The following KCNK2 variants were observed in gnomAD, a reference collection of about 807,000 sequenced individuals.
KCNK2 encodes the protein potassium channel subfamily K member 2.
Under a neutral mutation model 40.5 loss-of-function variants are expected in KCNK2, and 21 were observed. The observed-to-expected ratio is 0.52, with a 90% CI of 0.37 to 0.75. The LOEUF (loss-of-function observed/expected upper bound fraction) is 0.75, where lower values mean the gene tolerates loss of function less well. Among genes scored for constraint, KCNK2 ranks in the 30% least tolerant of loss-of-function variants. The pLI, the probability that KCNK2 is intolerant of heterozygous loss-of-function variation, is 0.00. For missense variants in KCNK2, 399 were observed against 531.6 expected, an observed-to-expected ratio of 0.75 and a Z score of 2.45; for synonymous variants, 191 against 202.2, an observed-to-expected ratio of 0.94 and a Z score of 0.47.
At chr1:215,093,794 TATA>T (rs1177764060) in intron 2 of KCNK2, among the ~76,000 whole-genome samples, 218 of 9,276 alleles carry the variant, frequency 0.024, 1 homozygote, top group Middle Eastern at 0.036. Context: ...TTATATATTA[TATA>T]ATATAAAATA....
At chr1:215,203,494 A>T (rs1487071292) in intron 6 of KCNK2, among the ~76,000 whole-genome samples, 1 of 152,038 alleles carries the variant, frequency 6.6e-6, no homozygotes, top group East Asian at 1.9e-4. Context: ...ATTAATATCA[A>T]ATTATCTCAA....
At chr1:215,133,446 C>T (rs1661760739) in intron 3 of KCNK2, among the ~76,000 whole-genome samples, 2 of 152,036 alleles carry the variant, frequency 1.3e-5, no homozygotes, top group Admixed American at 6.6e-5. Flanking sequence ...ATCTGACTGA[C>T]CACCAGACAT....
At chr1:215,216,012 G>A (rs1019991415) in intron 6 of KCNK2, among the ~76,000 whole-genome samples, 2 of 152,178 alleles carry the variant, frequency 1.3e-5, no homozygotes. Context: ...TTGTAAGACA[G>A]GGCATGTCCT....
intron 5 of KCNK2, among the ~76,000 whole-genome samples, chr1:215,188,430 A>G (rs955741791): frequency 6.6e-6 from 1 of 152,130 alleles, no homozygotes; most frequent in African/African-American, 2.4e-5. Context: ...TTGGAATTAC[A>G]TTTTCAAAGT....
rs567876849 is a variant in KCNK2 at position 215,052,917 on chromosome 1, A to G, written c.35-33451A>G. On this transcript the variant is annotated intron_variant, in intron 1 of 6. Coordinates refer to the KCNK2 transcript ENST00000391895. ...TCTCTTGAGTTTTTGCCAGAGTACC[A>G]GATTCCTCTTTTTTTCTTTTCTATA... Among the ~76,000 whole-genome samples the G allele has an allele frequency of 1.6e-4, 24 of 152,286 alleles. No homozygotes were observed. The South Asian group carries it at 4.8e-3, about 30-fold the overall frequency.
chr1:215,006,997 C>CTATATATATATATATA (rs199497700), intron 1 of KCNK2, among the ~76,000 whole-genome samples: 7 of 81,690 alleles, frequency 8.6e-5, no homozygotes, highest in African/African-American at 2.6e-4. Flanking sequence ...GACCAATTCA[C>CTATATATATATATATA]TATATATATA....
intron 2 of KCNK2, among the ~76,000 whole-genome samples, chr1:215,093,965 A>G (rs1571903254): frequency 7.7e-6 from 1 of 129,758 alleles, no homozygotes; most frequent in Non-Finnish European, 1.6e-5. Flanking sequence ...TAAAATATAT[A>G]ATATATATAT....
upstream of KCNK2, among the ~76,000 whole-genome samples, chr1:215,077,863 TA>T (rs1376058548): frequency 6.6e-6 from 1 of 152,152 alleles, no homozygotes; most frequent in Non-Finnish European, 1.5e-5. Flanking sequence ...CCTCTAGAAG[TA>T]AATACTCCCA....
intron 2 of KCNK2, among the ~76,000 whole-genome samples, chr1:215,119,852 G>C (rs967334196): frequency 1.3e-5 from 2 of 152,154 alleles, no homozygotes; most frequent in Admixed American, 6.6e-5. Context: ...CCCAGAAACA[G>C]TTCTCATGAA....
At position 215,193,284 on chromosome 1, in the gene KCNK2, ATGCTC is replaced by A. The variant is rs757798835; in HGVS notation, c.824-1666_824-1662del. 2.8e-4 allele frequency among the ~76,000 whole-genome samples: 42 copies of A among 152,248 alleles called. No homozygotes were observed. The East Asian group carries it at 3.9e-3, about 14-fold the overall frequency. On this transcript the variant is annotated intron_variant, in intron 5 of 6. Transcript: ENST00000444842. ...GAATTTTTGTGAATTGGGCAAATCC[ATGCTC>A]TGTTTAAGCACCTCCAGTCTCTATG...
At chr1:215,230,502 C>A (rs775390306) in intron 6 of KCNK2, among the ~76,000 whole-genome samples, 5 of 82,850 alleles carry the variant, frequency 6.0e-5, no homozygotes, top group Non-Finnish European at 8.5e-5. Flanking sequence ...CACACACACA[C>A]GGCTGTATAT....
At chr1:215,097,577 T>A (rs186831982) in intron 2 of KCNK2, among the ~76,000 whole-genome samples, 1 of 152,146 alleles carries the variant, frequency 6.6e-6, no homozygotes, top group Non-Finnish European at 1.5e-5. Flanking sequence ...TTCCTTATGG[T>A]TTCATGCAGT....
chr1:215,086,406 C>G lies in KCNK2; in HGVS notation c.85C>G (p.Gln29Glu). Residue 29 changes from glutamine (Q) to glutamate (E), a missense_variant, in exon 2 of 7, where the codon CAG (glutamine) becomes GAG (glutamate). By Grantham distance (29) the Gln-to-Glu change is conservative. Transcript: ENST00000444842. ...PDLLDPKSAAQNSKPRLSFST... is the reference protein window; with the variant it reads ...PDLLDPKSAAENSKPRLSFST... ...CTTGCTGGATCCTAAATCTGCCGCTCAGAACTCCAAACCGAGGCTCTCGTT... is the reference window on the plus strand; with the variant it reads ...CTTGCTGGATCCTAAATCTGCCGCTGAGAACTCCAAACCGAGGCTCTCGTT... 2.5e-6 allele frequency: 4 copies of G among 1,614,150 alleles called. No homozygotes were observed. The highest frequency in any genetic ancestry group is 3.4e-6 in the Non-Finnish European group (4 of 1,180,022).
At chr1:215,022,514 T>C (rs1656841253) in intron 1 of KCNK2, among the ~76,000 whole-genome samples, 1 of 152,192 alleles carries the variant, frequency 6.6e-6, no homozygotes, top group Non-Finnish European at 1.5e-5. Context: ...TTTTCAAATT[T>C]GTCTCAGCCT....
intron 6 of KCNK2, among the ~76,000 whole-genome samples, chr1:215,198,448 A>G (rs1664956229): frequency 6.6e-6 from 1 of 152,222 alleles, no homozygotes; most frequent in Non-Finnish European, 1.5e-5. Context: ...ATAATTTTCA[A>G]AATATTATCA....
chr1:215,130,842 GT>G (rs201391246), intron 3 of KCNK2, among the ~76,000 whole-genome samples: 1,995 of 150,480 alleles, frequency 0.013, 52 homozygotes, highest in African/African-American at 0.047. Context: ...TAATTTTTAA[GT>G]TTTTTTTATT....
intron 3 of KCNK2, among the ~76,000 whole-genome samples, chr1:215,149,993 C>G (rs1172767095): frequency 3.3e-5 from 5 of 152,028 alleles, no homozygotes; most frequent in African/African-American, 9.7e-5. Flanking sequence ...AATACCAGGG[C>G]TATCATGATG....
chr1:215,033,007 A>G (rs968383534), intron 1 of KCNK2, among the ~76,000 whole-genome samples: 1 of 151,666 alleles, frequency 6.6e-6, no homozygotes, highest in African/African-American at 2.4e-5. Context: ...CACTTTTTGT[A>G]GTTGTCCCAC....
intron 1 of KCNK2, among the ~76,000 whole-genome samples, chr1:215,069,825 A>C (rs560727286): frequency 2.0e-5 from 3 of 152,178 alleles, no homozygotes; most frequent in Admixed American, 1.3e-4. Flanking sequence ...TGGGATAATG[A>C]AGGTCATGGA....
Sources: gnomAD v4.1 joint callset for allele counts (sites outside exome capture counted in the v4.1 genomes callset) on GRCh38, gnomAD v4.1.1 for gene constraint, MANE v1.5 for transcripts, NCBI Gene and HGNC (gene_info 2026-07-23, HGNC 2026-07-21) for gene names.